KIF14: variants seen among roughly 807,000 people sequenced by gnomAD.
KIF14 encodes kinesin-like protein KIF14.
KIF14 carries 98 observed loss-of-function variants against 176.2 expected under a neutral mutation model. That is an observed-to-expected ratio of 0.56 (90% CI 0.47 to 0.66). KIF14 has a LOEUF of 0.66. Ranked by LOEUF, KIF14 falls within the 30% of genes least tolerant of loss-of-function variation. The pLI, the probability that KIF14 is intolerant of heterozygous loss-of-function variation, is 0.00. For synonymous variants in KIF14, 566 were observed against 632.2 expected (o/e 0.90, Z 1.57); for missense variants, 1,751 against 1,920.4 (o/e 0.91, Z 1.65).
chr1:200,581,114 A>AG, intron 20 of KIF14, 87 bp downstream of exon 20: 2 of 692,524 alleles, frequency 2.9e-6, no homozygotes, highest in East Asian at 3.2e-5. Context: ...ACTCTGTCTC[A>AG]GAAAAAAAAA....
Position 200,615,627 on chromosome 1 carries a change from G to GA in KIF14, c.1113-19dup, listed in dbSNP as rs758518343. 1.6e-5 allele frequency: 25 copies of GA among 1,582,780 alleles called. No homozygotes were observed. Among genetic ancestry groups the GA allele is most frequent in the Non-Finnish European group, 1.9e-5 (22 of 1,166,890 alleles). On this transcript the variant is annotated intron_variant, in intron 2 of 29. Coordinates refer to ENST00000367350, the MANE Select transcript of KIF14 (RefSeq NM_014875.3). ...TCTTCTCTCTTGAAAGAAGCACAAA[G>GA]AAAAAAATCAAGTAACTAAAATGAT...
At chr1:200,563,902 T>C (rs1657295624) in intron 25 of KIF14, among the ~76,000 whole-genome samples, 1 of 152,102 alleles carries the variant, frequency 6.6e-6, no homozygotes, top group Non-Finnish European at 1.5e-5. Context: ...AGTCAAATGA[T>C]AAAATTCTAG....
rs572020314 is a variant in KIF14 at position 200,619,176 on chromosome 1, G to A, written c.-115-338C>T. Among the ~76,000 whole-genome samples, 31 of 152,320 alleles carry A rather than the reference G, an allele frequency of 2.0e-4. 1 individual carries two copies. The South Asian group carries it at 4.8e-3, about 23-fold the overall frequency. The stretch of plus-strand genomic sequence containing the variant: ...AAATGTGTCAAGTGACTTAGAAGAT[G>A]TAAAAAGTGCATGCCAACATAGATT... On this transcript the variant is annotated intron_variant, in intron 1 of 29. Coordinates refer to ENST00000367350, the MANE Select transcript of KIF14 (RefSeq NM_014875.3).
intron 4 of KIF14, among the ~76,000 whole-genome samples, chr1:200,614,061 C>T (rs187130256): frequency 2.7e-4 from 41 of 152,278 alleles, no homozygotes; most frequent in East Asian, 9.6e-4. Flanking sequence ...TGAGCCTCTA[C>T]GTATACACAA....
chr1:200,606,310 C>T (rs149606914), intron 6 of KIF14, among the ~76,000 whole-genome samples: 231 of 152,062 alleles, frequency 1.5e-3, no homozygotes, highest in African/African-American at 5.4e-3. Flanking sequence ...AAAGCATTTG[C>T]AGTGTTGGAA....
chr1:200,574,169 A>G (rs1326038407), intron 22 of KIF14, among the ~76,000 whole-genome samples: 2 of 152,206 alleles, frequency 1.3e-5, no homozygotes, highest in Non-Finnish European at 2.9e-5. Flanking sequence ...CTTAATAACA[A>G]TGATGCTTCT....
At chr1:200,600,971 C>G (rs1347616448) in intron 11 of KIF14, among the ~76,000 whole-genome samples, 1 of 151,752 alleles carries the variant, frequency 6.6e-6, no homozygotes, top group African/African-American at 2.4e-5. Context: ...CAACCTCCGC[C>G]TCCTGGGCTC....
chr1:200,584,526 T>C (rs950687343), intron 19 of KIF14, among the ~76,000 whole-genome samples: 4 of 152,198 alleles, frequency 2.6e-5, no homozygotes, highest in Admixed American at 2.6e-4. Context: ...GTGGGGTTTA[T>C]CACTGGGATG....
Position 200,590,251 on chromosome 1 carries a change from C to T in KIF14, c.2835G>A (p.Glu945=). The change falls in exon 17 of 30, where the codon GAG becomes GAA. Residue 945 remains glutamate, a synonymous_variant. Coordinates refer to ENST00000367350, the MANE Select transcript of KIF14 (RefSeq NM_014875.3). ...QRSQLEAEIK[E]AQLKAKEEMM... is the part of the protein sequence containing the mutation. ...TTTCTTCCTTTGCCTTCAACTGAGC[C>T]TCTTTTATTTCTGCTTCAAGTCTAC... The T allele has an allele frequency of 1.2e-6, 2 of 1,613,268 alleles. No individual in the cohort carries two copies. The highest frequency in any genetic ancestry group is 8.5e-7 in the Non-Finnish European group (1 of 1,179,802).
intron 15 of KIF14, among the ~76,000 whole-genome samples, chr1:200,592,457 C>A (rs1255136080): frequency 6.6e-6 from 1 of 152,106 alleles, no homozygotes; most frequent in Non-Finnish European, 1.5e-5. Flanking sequence ...CTCACTGCAA[C>A]CTCGGCCTCA....
chr1:200,592,452 T>C (rs1184668102), intron 15 of KIF14, among the ~76,000 whole-genome samples: 5 of 152,204 alleles, frequency 3.3e-5, no homozygotes, highest in Admixed American at 3.3e-4. Context: ...CTCAGCTCAC[T>C]GCAACCTCGG....
rs1656675648 is a variant in KIF14, at chr1:200,553,655, C to T, written c.4680G>A (p.Glu1560=). The T allele has an allele frequency of 6.2e-7, 1 of 1,614,078 alleles. No homozygotes were observed. Among genetic ancestry groups the T allele is most frequent in the Non-Finnish European group, 8.5e-7 (1 of 1,179,994 alleles). The change falls in exon 30 of 30, where the codon GAG becomes GAA. Residue 1560 remains glutamate, a synonymous_variant. Coordinates refer to ENST00000367350, the MANE Select transcript of KIF14 (RefSeq NM_014875.3). ...GGTGGACAATGTGAGTTACTCTACT[C>T]TCATAGCTGCCAACAGAAGTAGAAG... The part of the protein sequence containing the change: ...SVPSTSVGSY[E]SRVTHIVHQE...
chr1:200,614,790 C>CAAAAAAAA (rs67447333), intron 3 of KIF14, among the ~76,000 whole-genome samples: 5 of 74,876 alleles, frequency 6.7e-5, no homozygotes, highest in East Asian at 4.5e-4. Context: ...AACCTTGCTA[C>CAAAAAAAA]AAAAAAAAAA....
intron 10 of KIF14, among the ~76,000 whole-genome samples, chr1:200,602,683 C>T (rs906057837): frequency 1.3e-5 from 2 of 152,106 alleles, no homozygotes; most frequent in Non-Finnish European, 2.9e-5. Context: ...ATATTAATGC[C>T]TATCACAACT....
chr1:200,618,604 C>G lies in KIF14; in HGVS notation c.120G>C (p.Leu40Phe), dbSNP rs376339659. The change falls in exon 2 of 30, where the codon TTG becomes TTC. Residue 40 changes from leucine (L) to phenylalanine (F), a missense_variant. By Grantham distance (22) the Leu-to-Phe change is conservative (BLOSUM62 0). Coordinates refer to ENST00000367350, the MANE Select transcript of KIF14 (RefSeq NM_014875.3). ...TTTCACATTCTGACATATCCGACTT[C>G]AAATGCAGCTTAAGTCGGCTACTGT... ...LTHSSRLKLH[L>F]KSDMSECEND... 1 of 1,614,002 alleles carries G rather than the reference C, an allele frequency of 6.2e-7. No individual in the cohort carries two copies. The highest frequency in any genetic ancestry group is 8.5e-7 in the Non-Finnish European group (1 of 1,180,032).
At position 200,618,148 on chromosome 1, in the gene KIF14, A is replaced by C; in HGVS notation, c.576T>G (p.Ala192=). 1 of 1,614,062 alleles carries C rather than the reference A, an allele frequency of 6.2e-7. No homozygotes were observed. The highest frequency in any genetic ancestry group is 8.5e-7 in the Non-Finnish European group (1 of 1,180,008). ...AAAATGTTTCTTTGTATTTCTTATC[A>C]GCCATCATTTCAATGACCTGTGGAT... ...DEDPQVIEMM[A]DKKYKETFSA... The change falls in exon 2 of 30, where the codon GCT becomes GCG. Residue 192 remains alanine (A), a synonymous_variant. Coordinates refer to ENST00000367350, the MANE Select transcript of KIF14 (RefSeq NM_014875.3).
chr1:200,567,591 G>T (rs1657540690), intron 23 of KIF14, among the ~76,000 whole-genome samples: 1 of 151,160 alleles, frequency 6.6e-6, no homozygotes, highest in Non-Finnish European at 1.5e-5. Flanking sequence ...CAGCACATCT[G>T]TGAGGGATGG....
rs760199933 is a variant in KIF14 at position 200,589,408 on chromosome 1, C to G, written c.2962-39G>C. On this transcript the variant is annotated intron_variant, in intron 17 of 29. Transcript: ENST00000367350. ...TAATAAAAAATATCTCAGGCAAAAA[C>G]CGTAGCAAAAAAGTACAAAAGTCCC... is the stretch of plus-strand genomic sequence containing the variant. The G allele has an allele frequency of 6.5e-6, 10 of 1,537,298 alleles. No homozygotes were observed. The South Asian group carries it at 1.2e-4, about 18-fold the overall frequency.
intron 9 of KIF14, 128 bp from the exon 10 acceptor site, chr1:200,603,469 CAG>C (rs1205656981): frequency 5.1e-6 from 3 of 592,188 alleles, no homozygotes; most frequent in Non-Finnish European, 9.0e-6. Flanking sequence ...TTTTTTGAGA[CAG>C]AGTCTCACTC....
Sources: gnomAD v4.1 joint callset for allele counts (sites outside exome capture counted in the v4.1 genomes callset) on GRCh38, gnomAD v4.1.1 for gene constraint, MANE v1.5 for transcripts, NCBI Gene and HGNC (gene_info 2026-07-23, HGNC 2026-07-21) for gene names.